The following WNT7A variants were observed in gnomAD, a reference collection of about 807,000 sequenced individuals.
WNT7A encodes protein Wnt-7a.
Under a neutral mutation model 28.2 loss-of-function variants are expected in WNT7A, and 16 were observed. The observed-to-expected ratio is 0.57, with a 90% CI of 0.38 to 0.86. The LOEUF (loss-of-function observed/expected upper bound fraction) is 0.86, where lower values mean the gene tolerates loss of function less well. Among genes scored for constraint, WNT7A ranks in the 40% least tolerant of loss-of-function variants. The pLI is 0.00. For synonymous variants in WNT7A, 190 were observed against 195.9 expected (o/e 0.97, Z 0.25); for missense variants, 411 against 489.7 (o/e 0.84, Z 1.52).
intron 3 of WNT7A, among the ~76,000 whole-genome samples, chr3:13,843,404 A>T (rs995247135): frequency 3.9e-5 from 6 of 152,330 alleles, no homozygotes; most frequent in Admixed American, 1.3e-4. Context: ...CAATGAGGAA[A>T]CTGAGGCTTG....
Position 13,819,153 on chromosome 3 carries a change from C to T in WNT7A, c.841G>A (p.Asp281Asn), listed in dbSNP as rs199514755. ...GTGCCCACACTGCCGGTCACCGGGT[C>T]CTCCTCGCAGTAGTTGGGCGACTTC... Reference protein sequence around the residue: ...IEKSPNYCEEDPVTGSVGTQG... With the variant: ...IEKSPNYCEENPVTGSVGTQG... The change falls in exon 4 of 4, where the codon GAC becomes AAC. Residue 281 changes from aspartate to asparagine, a missense_variant. Physicochemically the swap from Asp to Asn is conservative, Grantham distance 23. Transcript: ENST00000285018. The T allele has an allele frequency of 6.2e-7, 1 of 1,614,248 alleles. No homozygotes were observed. The highest frequency in any genetic ancestry group is 2.2e-5 in the East Asian group (1 of 44,890).
chr3:13,846,095 T>G (rs1694533177), intron 3 of WNT7A, among the ~76,000 whole-genome samples: 1 of 152,190 alleles, frequency 6.6e-6, no homozygotes, highest in Admixed American at 6.5e-5. Context: ...CTGGCCCTGA[T>G]GTGTCCTCTC....
chr3:13,829,926 G>A (rs991061099), intron 3 of WNT7A, among the ~76,000 whole-genome samples: 1 of 151,978 alleles, frequency 6.6e-6, no homozygotes, highest in Non-Finnish European at 1.5e-5. Context: ...CAACACCCAG[G>A]TCAACTCACC....
intron 3 of WNT7A, among the ~76,000 whole-genome samples, chr3:13,834,967 C>A (rs559750246): frequency 6.6e-6 from 1 of 152,298 alleles, no homozygotes; most frequent in South Asian, 2.1e-4. Context: ...AAATGAATGA[C>A]TGAGAGCAGT....
chr3:13,826,593 G>A (rs9819358), intron 3 of WNT7A, among the ~76,000 whole-genome samples: 24,606 of 152,026 alleles, frequency 0.16, 2,554 homozygotes, highest in South Asian at 0.31. Context: ...GGAATCTGGG[G>A]AGTAAAAGGG....
At chr3:13,819,904 A>T (rs1274246639) in intron 3 of WNT7A, among the ~76,000 whole-genome samples, 1 of 152,240 alleles carries the variant, frequency 6.6e-6, no homozygotes, top group Non-Finnish European at 1.5e-5. Flanking sequence ...GCCATGAGCC[A>T]TATTTTGCTT....
intron 2 of WNT7A, among the ~76,000 whole-genome samples, chr3:13,859,504 T>A (rs979730245): frequency 1.3e-5 from 2 of 152,166 alleles, no homozygotes; most frequent in African/African-American, 4.8e-5. Context: ...TGCCACTGGG[T>A]GGTACAGAGA....
intron 3 of WNT7A, among the ~76,000 whole-genome samples, chr3:13,824,893 G>A (rs914979059): frequency 1.3e-5 from 2 of 152,168 alleles, no homozygotes; most frequent in African/African-American, 4.8e-5. Flanking sequence ...ATCCACCAGT[G>A]GGGACTGGTT....
At chr3:13,871,968 G>C (rs1695032885) in intron 2 of WNT7A, among the ~76,000 whole-genome samples, 3 of 151,956 alleles carry the variant, frequency 2.0e-5, no homozygotes. Flanking sequence ...AGCCACCCCA[G>C]CCCCTCGCTG....
intron 3 of WNT7A, among the ~76,000 whole-genome samples, chr3:13,827,852 G>A (rs539522004): frequency 3.3e-5 from 5 of 152,248 alleles, no homozygotes; most frequent in East Asian, 1.9e-4. Flanking sequence ...CTGAAGCACT[G>A]GGCGCTCCAG....
In WNT7A at chr3:13,878,919, C is replaced by G. The variant is rs564945618; in HGVS notation, c.71+827G>C. 4.2e-4 allele frequency among the ~76,000 whole-genome samples: 64 copies of G among 152,332 alleles called. No individual in the cohort carries two copies. The East Asian group carries it at 0.012, about 29-fold the overall frequency. ...CAGGACGCGTCCCGAGCTGCCCCCTCCCACCTTCCAGCCAGAGCGCCCCCG... is the reference window on the plus strand; with the variant it reads ...CAGGACGCGTCCCGAGCTGCCCCCTGCCACCTTCCAGCCAGAGCGCCCCCG... On this transcript the variant is annotated intron_variant, in intron 1 of 3. Transcript: ENST00000285018.
At chr3:13,864,931 C>T (rs905904420) in intron 2 of WNT7A, among the ~76,000 whole-genome samples, 3 of 152,152 alleles carry the variant, frequency 2.0e-5, no homozygotes, top group African/African-American at 2.4e-5. Context: ...GAATGGATTT[C>T]GCTGCCCATG....
At chr3:13,848,073 A>G (rs2124851741) in intron 3 of WNT7A, among the ~76,000 whole-genome samples, 1 of 152,308 alleles carries the variant, frequency 6.6e-6, no homozygotes, top group Non-Finnish European at 1.5e-5. Context: ...TTTTTAAAAA[A>G]AACAGGTCAC....
At position 13,856,962 on chromosome 3, in the gene WNT7A, GAAGA is replaced by G. The variant is rs1559303378; in HGVS notation, c.299-2163_299-2160del. Among the ~76,000 whole-genome samples, 147 of 122,866 alleles carry G rather than the reference GAAGA, an allele frequency of 1.2e-3. 1 individual carries two copies. The highest frequency in any genetic ancestry group is 2.0e-3 in the Non-Finnish European group (125 of 63,264). The allele number at this position is 122,866 out of a possible 152,430, so 80.6% of individuals were successfully genotyped here. ...AGAAGAAGAAGAAGAAGAAGAAGAA[GAAGA>G]AGGAGAAGAAGAAGAAGAAGGAGAA... On this transcript the variant is annotated intron_variant, in intron 2 of 3. Coordinates refer to ENST00000285018, the MANE Select transcript of WNT7A (RefSeq NM_004625.4).
chr3:13,850,404 G>C (rs1394535416), intron 3 of WNT7A, among the ~76,000 whole-genome samples: 1 of 152,180 alleles, frequency 6.6e-6, no homozygotes, highest in East Asian at 1.9e-4. Context: ...CTGCGGCCAG[G>C]GCAGGGGTGG....
intron 2 of WNT7A, among the ~76,000 whole-genome samples, chr3:13,874,721 G>T (rs1422585824): frequency 1.5e-5 from 2 of 130,146 alleles, no homozygotes; most frequent in African/African-American, 2.6e-5. Context: ...TTGGGTCACT[G>T]GTTGCTGGTT....
Position 13,819,288 on chromosome 3 carries a change from C to T in WNT7A, c.706G>A (p.Val236Ile), listed in dbSNP as rs373515267. Residue 236 changes from valine (V) to isoleucine (I), a missense_variant, in exon 4 of 4, where the codon GTT becomes ATT. Transcript: ENST00000285018. ...YVLKDKYNEA[V>I]HVEPVRASRN... The stretch of plus-strand genomic sequence containing the variant: ...CTGGCACGCACAGGCTCCACGTGAA[C>T]GGCCTCGTTGTACTTGTCCTTGAGC... 5 of 1,614,164 alleles carry T rather than the reference C, an allele frequency of 3.1e-6. No homozygotes were observed. Among genetic ancestry groups the T allele is most frequent in the African/African-American group, 1.3e-5 (1 of 75,060 alleles).
Position 13,856,936 on chromosome 3 carries a change from A to G in WNT7A, c.299-2133T>C, listed in dbSNP as rs547652033. Among the ~76,000 whole-genome samples, 85 of 114,162 alleles carry G rather than the reference A, an allele frequency of 7.4e-4. 1 individual carries two copies. Among genetic ancestry groups the G allele is most frequent in the African/African-American group, 3.5e-3 (77 of 21,988 alleles). 74.9% of individuals were successfully genotyped at this position (114,162 alleles called of 152,430 possible). A position where few individuals can be genotyped will look rare whatever the true frequency, so the allele number is the denominator to read the frequency against. The stretch of plus-strand genomic sequence containing the variant: ...GAAGAAGAAGAAGAAGAAGAAGAAG[A>G]AGAAGAAGAAGAAGAAGAAGAAGAA... On this transcript the variant is annotated intron_variant, in intron 2 of 3. Coordinates refer to ENST00000285018, the MANE Select transcript of WNT7A (RefSeq NM_004625.4).
intron 2 of WNT7A, among the ~76,000 whole-genome samples, chr3:13,867,160 C>T (rs1694924404): frequency 6.6e-6 from 1 of 152,108 alleles, no homozygotes. Context: ...TCATGTAATG[C>T]CACTACCACC....
Sources: gnomAD v4.1 joint callset for allele counts (sites outside exome capture counted in the v4.1 genomes callset) on GRCh38, gnomAD v4.1.1 for gene constraint, MANE v1.5 for transcripts, NCBI Gene and HGNC (gene_info 2026-07-23, HGNC 2026-07-21) for gene names.